FLACC1: variants seen among roughly 807,000 people sequenced by gnomAD.
The protein encoded by FLACC1 is flagellum associated containing coiled-coil domains 1.
In FLACC1, 66 loss-of-function variants were observed where a neutral mutation model predicts 62.8. That is an observed-to-expected ratio of 1.05 (90% CI 0.86 to 1.29). The LOEUF is 1.29. FLACC1 is among the 50% of genes most tolerant of loss of function. FLACC1 has a pLI of 0.00. For synonymous variants in FLACC1, 156 were observed against 161.0 expected (o/e 0.97, Z 0.24); for missense variants, 452 against 489.1 (o/e 0.92, Z 0.71).
chr2:201,288,706 C>A lies in FLACC1; in HGVS notation c.1218G>T (p.Lys406Asn). 6.2e-7 allele frequency: 1 copy of A among 1,614,042 alleles called. No individual in the cohort carries two copies. The highest frequency in any genetic ancestry group is 1.1e-5 in the South Asian group (1 of 91,084). The change falls in exon 15 of 15, where the codon AAG becomes AAT. Residue 406 changes from lysine to asparagine, a missense_variant. Physicochemically the swap from Lys to Asn is moderately conservative, Grantham distance 94. Around this residue, in one of 3 missense-constraint regions of FLACC1, gnomAD observed 301 missense variants for 318.4 expected, o/e 0.95. Coordinates refer to ENST00000392257, the MANE Select transcript of FLACC1 (RefSeq NM_001127391.3). ...CATCTTGCACAGTGTCAGAATCATC[C>A]TTAGAAACAGTAATAGAGGCCAATC... is the stretch of plus-strand genomic sequence containing the variant. ...SGRLASITVS[K>N]DDSDTVQDGS...
At position 201,289,841 on chromosome 2, in the gene FLACC1, C is replaced by T. The variant is rs756241097; in HGVS notation, c.943-56G>A. On this transcript the variant is annotated intron_variant, in intron 12 of 14. Coordinates refer to ENST00000392257, the MANE Select transcript of FLACC1 (RefSeq NM_001127391.3). ...ATGCCAATGTCTATTTATTTGGTCT[C>T]TTCTCCAGGGCACCTGGACTATGAT... 10 of 1,613,204 alleles carry T rather than the reference C, an allele frequency of 6.2e-6. No individual in the cohort carries two copies. The Admixed American group carries it at 1.5e-4, about 24-fold the overall frequency.
At chr2:201,352,088 GAGAAGTCAC>G (rs1189546609) in intron 1 of FLACC1, 1 of 152,238 alleles carries the variant, frequency 6.6e-6, no homozygotes, top group Non-Finnish European at 1.5e-5. Flanking sequence ...CTGAGACTCA[GAGAAGTCAC>G]GGCGGCAGCA....
rs376689542 is a variant in FLACC1, at chr2:201,344,161, G to T, written c.462+9C>A. 32 of 1,597,764 alleles carry T rather than the reference G, an allele frequency of 2.0e-5. No homozygotes were observed. The highest frequency in any genetic ancestry group is 8.9e-5 in the East Asian group (4 of 44,794). The stretch of plus-strand genomic sequence containing the variant: ...CCATGAAGATGTTAGCTAATGTAAG[G>T]TCACTCACCAATTTCTGGGCAGACT... On this transcript the variant is annotated intron_variant, in intron 6 of 14. Transcript: ENST00000392257.
At chr2:201,297,866 A>G (rs1949898028) in intron 12 of FLACC1, among the ~76,000 whole-genome samples, 2 of 152,136 alleles carry the variant, frequency 1.3e-5, no homozygotes, top group South Asian at 2.1e-4. Context: ...TAAATCGGGC[A>G]CCTTCTGAGA....
intron 1 of FLACC1, among the ~76,000 whole-genome samples, chr2:201,352,531 T>C (rs975306248): frequency 6.6e-6 from 1 of 152,212 alleles, no homozygotes; most frequent in Non-Finnish European, 1.5e-5. Flanking sequence ...GGGATGTCCG[T>C]ACATGTTTGG....
intron 12 of FLACC1, among the ~76,000 whole-genome samples, chr2:201,291,289 C>T (rs970411963): frequency 1.3e-5 from 2 of 152,202 alleles, no homozygotes; most frequent in Non-Finnish European, 2.9e-5. Context: ...TAGGGGCAGA[C>T]TGACACATCA....
intron 1 of FLACC1, among the ~76,000 whole-genome samples, chr2:201,356,334 T>C (rs1340999114): frequency 6.6e-6 from 1 of 152,162 alleles, no homozygotes; most frequent in Non-Finnish European, 1.5e-5. Flanking sequence ...CTAATTTTTG[T>C]ATTTTTATAA....
At chr2:201,358,582 A>G (rs2125632011), upstream of FLACC1, among the ~76,000 whole-genome samples, 1 of 151,290 alleles carries the variant, frequency 6.6e-6, no homozygotes, top group East Asian at 1.9e-4. Flanking sequence ...ACGCCCGGCT[A>G]ATTTTTTTGT....
chr2:201,298,085 A>C (rs967998088), intron 12 of FLACC1, among the ~76,000 whole-genome samples: 3 of 152,192 alleles, frequency 2.0e-5, no homozygotes, highest in African/African-American at 7.2e-5. Context: ...AGGAAACATC[A>C]GCAAGGAGCA....
At chr2:201,314,447 C>G (rs375076905) in intron 9 of FLACC1, among the ~76,000 whole-genome samples, 3 of 152,002 alleles carry the variant, frequency 2.0e-5, no homozygotes, top group Admixed American at 6.6e-5. Context: ...GAACTCAGAG[C>G]CTGAAGACAA....
intron 4 of FLACC1, chr2:201,348,030 G>A (rs1950952254): frequency 2.3e-6 from 1 of 437,428 alleles, no homozygotes; most frequent in Non-Finnish European, 4.1e-6. Context: ...CAAGGCAGGA[G>A]AGAGTGGCAA....
intron 7 of FLACC1, among the ~76,000 whole-genome samples, chr2:201,337,502 T>G (rs1016496516): frequency 6.6e-6 from 1 of 152,218 alleles, no homozygotes; most frequent in Non-Finnish European, 1.5e-5. Flanking sequence ...TATGTTTATA[T>G]GTCTATTTTT....
At position 201,351,338 on chromosome 2, in the gene FLACC1, T is replaced by A; in HGVS notation, c.67A>T (p.Ile23Phe). 1.2e-6 allele frequency: 2 copies of A among 1,614,128 alleles called. No homozygotes were observed. The highest frequency in any genetic ancestry group is 1.7e-6 in the Non-Finnish European group (2 of 1,179,998). Residue 23 changes from isoleucine to phenylalanine, a missense_variant, in exon 2 of 15, where the codon ATC becomes TTC. Around this residue, in one of 3 missense-constraint regions of FLACC1, gnomAD observed 147 missense variants for 152.7 expected, o/e 0.96. Transcript: ENST00000392257. ...DPWNLGPRKL[I>F]KTPQLPRKNS... ...TTGCGTGGTAGTTGAGGGGTCTTGA[T>A]TAGCTTCCGTGGTCCCAAGTTCCAG...
chr2:201,303,685 A>G (rs559525516), intron 11 of FLACC1, among the ~76,000 whole-genome samples: 177 of 152,312 alleles, frequency 1.2e-3, no homozygotes, highest in Non-Finnish European at 2.2e-3. Flanking sequence ...CCTCAATAAA[A>G]TACTGGCAAA....
Position 201,288,310 on chromosome 2 carries a change from C to A in FLACC1, c.*345G>T. The A allele has an allele frequency of 5.5e-6, 1 of 180,998 alleles. No homozygotes were observed. Among genetic ancestry groups the A allele is most frequent in the Non-Finnish European group, 1.1e-5 (1 of 86,988 alleles). The allele number at this position is 180,998 out of a possible 1,614,324, so 11.2% of individuals were successfully genotyped here. On this transcript the variant is annotated 3_prime_UTR_variant, in exon 15 of 15. Transcript: ENST00000392257. ...CATCTTTTTTTGCTACCTAAATGCC[C>A]CAGGGGACAAAGGTACACCTCCCAA...
intron 12 of FLACC1, among the ~76,000 whole-genome samples, chr2:201,292,481 G>T (rs1266116086): frequency 6.6e-6 from 1 of 152,186 alleles, no homozygotes; most frequent in Non-Finnish European, 1.5e-5. Context: ...AATGCTGAGA[G>T]ATTTGGTCAC....
chr2:201,292,343 C>G (rs1187766132), intron 12 of FLACC1, among the ~76,000 whole-genome samples: 3 of 152,196 alleles, frequency 2.0e-5, no homozygotes, highest in Non-Finnish European at 4.4e-5. Context: ...AGAAACTCTA[C>G]AAGCCAGAAG....
At chr2:201,306,107 A>T (rs991250797) in intron 11 of FLACC1, among the ~76,000 whole-genome samples, 22 of 152,144 alleles carry the variant, frequency 1.4e-4, no homozygotes, top group Admixed American at 9.2e-4. Context: ...AATAAAAAAA[A>T]AAAGAAAGAA....
At chr2:201,302,791 C>T (rs1268583770) in intron 11 of FLACC1, among the ~76,000 whole-genome samples, 1 of 152,190 alleles carries the variant, frequency 6.6e-6, no homozygotes, top group Non-Finnish European at 1.5e-5. Context: ...CAAAACAGCA[C>T]AACTACATGG....
Sources: allele counts gnomAD v4.1 joint callset (sites outside exome capture counted in the v4.1 genomes callset), GRCh38; gene constraint gnomAD v4.1.1; regional missense constraint gnomAD v4.1.1; transcripts MANE v1.5; gene names NCBI Gene and HGNC (gene_info 2026-07-23, HGNC 2026-07-21).